Variants in MADD observed in about 807,000 individuals in gnomAD.
MADD encodes MAP kinase activating death domain, also known as MAP kinase-activating death domain protein.
MADD carries 109 observed loss-of-function variants against 176.7 expected under a neutral mutation model. That is an observed-to-expected ratio of 0.62 (90% CI 0.53 to 0.72). The LOEUF is 0.72. Ranked by LOEUF, MADD falls within the 30% of genes least tolerant of loss-of-function variation. MADD has a pLI of 0.00. For missense variants in MADD, 1,914 were observed against 2,045.5 expected (o/e 0.94, Z 1.24); for synonymous variants, 771 against 771.3 (o/e 1.00, Z 0.01).
In MADD at chr11:47,317,943, T is replaced by G. The variant is rs752353904; in HGVS notation, c.4197+2616T>G. ...TGCCACCACACCCGGCTAATTTTTG[T>G]GTTTTTAGTAGAGATGGGGTTTTAC... On this transcript the variant is annotated intron_variant, in intron 27 of 32. Coordinates refer to ENST00000402192, the Ensembl canonical transcript of MADD. Among the ~76,000 whole-genome samples, 25 of 152,152 alleles carry G rather than the reference T, an allele frequency of 1.6e-4. No homozygotes were observed. In the South Asian group the frequency reaches 1.9e-3, roughly 11 times the overall value.
At chr11:47,285,566 T>G (rs1346985114) in exon 14 of MADD, 16 of 1,614,130 alleles carry the variant, frequency 9.9e-6, no homozygotes, top group Non-Finnish European at 1.4e-5. Flanking sequence ...CACCGAGGGC[T>G]TCGGGGGCAT....
chr11:47,275,274 CATATTTAGA>C, intron 3 of MADD, 115 bp downstream of exon 3: 1 of 885,068 alleles, frequency 1.1e-6, no homozygotes, highest in Non-Finnish European at 1.8e-6. Flanking sequence ...ACCTATTAAG[CATATTTAGA>C]GTATTTAGAG....
At chr11:47,317,459 C>T (rs2093396802) in intron 27 of MADD, among the ~76,000 whole-genome samples, 1 of 152,140 alleles carries the variant, frequency 6.6e-6, no homozygotes, top group African/African-American at 2.4e-5. Flanking sequence ...GGATCGTTTG[C>T]CCTGTGGAGT....
In MADD at chr11:47,296,213, C is replaced by CT. The variant is rs565005377; in HGVS notation, c.3642+161dup. ...GCTTTAAGGAAAACATTTCTTAAGG[C>CT]TTTGTTCAGAGTCATTTGACTCACA... On this transcript the variant is annotated intron_variant, in intron 22 of 32. Coordinates refer to ENST00000402192, the Ensembl canonical transcript of MADD. Among the ~76,000 whole-genome samples, 492 of 152,308 alleles carry CT rather than the reference C, an allele frequency of 3.2e-3. 2 individuals are homozygous for CT. The highest frequency in any genetic ancestry group is 5.1e-3 in the Non-Finnish European group (349 of 68,024).
At chr11:47,284,541 C>T in exon 12 of MADD, 5 of 1,614,018 alleles carry the variant, frequency 3.1e-6, no homozygotes, top group Non-Finnish European at 3.4e-6. Flanking sequence ...GCAGCCCCAG[C>T]ACTGTCATCC....
rs73451777 is a variant in MADD, at chr11:47,324,788, C to T, written c.4542+211C>T. On this transcript the variant is annotated intron_variant, in intron 30 of 32. Transcript: ENST00000402192. ...CGCTGTGAAGGTGCACCAGGGAGCC[C>T]GTGGGGGAGGCTGGGCAGGAGCGAG... The T allele has an allele frequency of 4.3e-3, 2,976 of 691,056 alleles. 75 individuals are homozygous for T. In the African/African-American group the frequency reaches 0.046, roughly 11 times the overall value. 42.8% of individuals were successfully genotyped at this position (691,056 alleles called of 1,614,324 possible).
chr11:47,323,866 A>G, intron 28 of MADD, 31 bp downstream of exon 31: 1 of 1,606,058 alleles, frequency 6.2e-7, no homozygotes, highest in Non-Finnish European at 8.5e-7. Context: ...GGTTGGGGCT[A>G]GTAGGCATTG....
chr11:47,310,635 G>A (rs2087833494), intron 25 of MADD, among the ~76,000 whole-genome samples: 1 of 151,978 alleles, frequency 6.6e-6, no homozygotes, highest in African/African-American at 2.4e-5. Context: ...ACCAGGCGCG[G>A]TGGCTCATGC....
intron 19 of MADD, 54 bp downstream of exon 20, chr11:47,290,870 C>A: frequency 7.2e-7 from 1 of 1,389,596 alleles, no homozygotes; most frequent in Non-Finnish European, 1.0e-6. Flanking sequence ...TTAAATATCC[C>A]TTTCTCCTCA....
intron 20 of MADD, among the ~76,000 whole-genome samples, chr11:47,294,256 G>T (rs1435891581): frequency 6.6e-6 from 1 of 151,950 alleles, no homozygotes; most frequent in Non-Finnish European, 1.5e-5. Flanking sequence ...GGCTGAGGCA[G>T]GAGAAATGCT....
At chr11:47,304,107 C>T (rs1350486271) in intron 22 of MADD, among the ~76,000 whole-genome samples, 1 of 152,132 alleles carries the variant, frequency 6.6e-6, no homozygotes, top group Non-Finnish European at 1.5e-5. Context: ...GTGTTGTAGA[C>T]CTTCTTGACT....
At chr11:47,275,928 C>T (rs766870804) in exon 4 of MADD, 16 of 1,611,830 alleles carry the variant, frequency 9.9e-6, no homozygotes, top group African/African-American at 9.3e-5. Flanking sequence ...TTTACTGGAT[C>T]GCTGCTGGTA....
exon 18 of MADD, chr11:47,290,241 T>G: frequency 1.2e-6 from 2 of 1,614,120 alleles, no homozygotes; most frequent in Non-Finnish European, 1.7e-6. Flanking sequence ...CGGGTCTGGG[T>G]GGCATGGCCA....
At chr11:47,296,258 C>T (rs973739466) in intron 22 of MADD, among the ~76,000 whole-genome samples, 1 of 152,118 alleles carries the variant, frequency 6.6e-6, no homozygotes, top group African/African-American at 2.4e-5. Context: ...TTTTAGAACC[C>T]TCTCCTGAAT....
intron 14 of MADD, among the ~76,000 whole-genome samples, chr11:47,286,176 G>T (rs1308745799): frequency 6.6e-6 from 1 of 152,198 alleles, no homozygotes; most frequent in Non-Finnish European, 1.5e-5. Context: ...CTGTGTAGCA[G>T]TGGATGAGAG....
chr11:47,285,613 C>T lies in MADD; in HGVS notation c.2551+23C>T, dbSNP rs756886910. ...CCAGTAAGTGCCTTCAGCTGTCTCT[C>T]TCACTCCTGTGTTCCATTTTCTCTA... On this transcript the variant is annotated intron_variant, in intron 14 of 32. Coordinates refer to ENST00000402192, the Ensembl canonical transcript of MADD. 4.3e-6 allele frequency: 7 copies of T among 1,613,688 alleles called. No homozygotes were observed. The East Asian group carries it at 1.3e-4, about 31-fold the overall frequency.
Position 47,282,361 on chromosome 11 carries a change from CT to C in MADD, c.1470-19del. ...CCTTACCCTATGGGTCTCAGATTAT[CT>C]CATCATCTGCTTCCCCAGGGTTGCC... On this transcript the variant is annotated intron_variant, in intron 8 of 32. Coordinates refer to ENST00000402192, the Ensembl canonical transcript of MADD. 6.3e-7 allele frequency: 1 copy of C among 1,599,326 alleles called. No individual in the cohort carries two copies. The highest frequency in any genetic ancestry group is 8.6e-7 in the Non-Finnish European group (1 of 1,166,534).
At chr11:47,282,506 G>A (rs1382037029) in exon 9 of MADD, 5 of 1,614,110 alleles carry the variant, frequency 3.1e-6, no homozygotes, top group Non-Finnish European at 2.5e-6. Flanking sequence ...CTAGCCTCAC[G>A]TCCCCGGCAG....
intron 22 of MADD, among the ~76,000 whole-genome samples, chr11:47,306,848 C>G (rs1003567241): frequency 6.6e-6 from 1 of 152,144 alleles, no homozygotes; most frequent in Non-Finnish European, 1.5e-5. Context: ...TGACATTACT[C>G]CCCTAGGCTG....
Sources: allele counts gnomAD v4.1 joint callset (sites outside exome capture counted in the v4.1 genomes callset), GRCh38; gene constraint gnomAD v4.1.1; transcripts MANE v1.5; gene names NCBI Gene and HGNC (gene_info 2026-07-23, HGNC 2026-07-21).